Variants in CRKL observed in about 807,000 individuals in gnomAD.
CRKL encodes the protein CRK like proto-oncogene, adaptor protein.
Under a neutral mutation model 23.0 loss-of-function variants are expected in CRKL, and 3 were observed. The ratio of observed to expected loss-of-function variants is 0.13; its 90% CI spans 0.06 to 0.34. The LOEUF (loss-of-function observed/expected upper bound fraction) is 0.34, where lower values mean the gene tolerates loss of function less well. CRKL is among the 10% of genes least tolerant of loss of function. The pLI is 1.00. For missense variants in CRKL, 256 were observed against 394.5 expected (o/e 0.65, Z 2.97); for synonymous variants, 188 against 160.7 (o/e 1.17, Z -1.28).
At position 20,933,866 on chromosome 22, in the gene CRKL, T is replaced by G. The variant is rs2147904747; in HGVS notation, c.399T>G (p.Asp133Glu). 1.9e-6 allele frequency: 3 copies of G among 1,614,058 alleles called. No individual in the cohort carries two copies. Among genetic ancestry groups the G allele is most frequent in the Non-Finnish European group, 2.5e-6 (3 of 1,180,024 alleles). Residue 133 changes from aspartate to glutamate, a missense_variant, in exon 2 of 3, where the codon GAT (aspartate) becomes GAG (glutamate). This residue lies in a region of CRKL where 129 missense variants were observed against 222.1 expected (regional missense o/e 0.58). Coordinates refer to ENST00000354336, the MANE Select transcript of CRKL (RefSeq NM_005207.4). ...TGGAATATGTACGGACTCTGTATGA[T>G]TTTCCTGGGAATGATGCCGAAGACC... ...DNLEYVRTLYDFPGNDAEDLP... is the reference protein window; with the variant it reads ...DNLEYVRTLYEFPGNDAEDLP...
rs561872564 is a variant in CRKL at position 20,925,017 on chromosome 22, G to A, written c.311+6772G>A. Reference sequence around the variant, plus strand: ...ATCCTGGCCAACATAGTGAAACCCCGTCTCTACTAAAAATACAAAAACTAG... The same window carrying A: ...ATCCTGGCCAACATAGTGAAACCCCATCTCTACTAAAAATACAAAAACTAG... On this transcript the variant is annotated intron_variant, in intron 1 of 2. Transcript: ENST00000354336. Among the ~76,000 whole-genome samples, 4 of 151,948 alleles carry A rather than the reference G, an allele frequency of 2.6e-5. No homozygotes were observed. In the South Asian group the frequency reaches 6.2e-4, roughly 24 times the overall value.
chr22:20,946,723 CA>C (rs771877816), intron 2 of CRKL, among the ~76,000 whole-genome samples: 7 of 87,478 alleles, frequency 8.0e-5, no homozygotes, highest in Middle Eastern at 4.5e-3. Context: ...CCCCTCCCTC[CA>C]AAAAAAAAAA....
chr22:20,933,694 G>T (rs2147904311), intron 1 of CRKL, 85 bp from the exon 2 acceptor site: 1 of 1,092,380 alleles, frequency 9.2e-7, no homozygotes, highest in East Asian at 2.4e-5. Flanking sequence ...ATTTATTATA[G>T]AGGAGAGTGG....
chr22:20,939,710 T>C (rs978206505), intron 2 of CRKL, among the ~76,000 whole-genome samples: 9 of 151,990 alleles, frequency 5.9e-5, no homozygotes, highest in Admixed American at 1.3e-4. Flanking sequence ...CCCATAGTTG[T>C]CCCTCTTGAG....
intron 2 of CRKL, 39 bp downstream of exon 2, chr22:20,934,283 A>G (rs2147906293): frequency 6.5e-7 from 1 of 1,534,306 alleles, no homozygotes; most frequent in African/African-American, 1.4e-5. Context: ...GTCCTTTGAC[A>G]TTTGGTTTTA....
At chr22:20,948,370 G>A (rs748439344) in intron 2 of CRKL, among the ~76,000 whole-genome samples, 2 of 152,096 alleles carry the variant, frequency 1.3e-5, no homozygotes, top group Non-Finnish European at 2.9e-5. Context: ...GATATATACA[G>A]TGTTGTGCTT....
intron 2 of CRKL, among the ~76,000 whole-genome samples, chr22:20,940,383 G>A (rs917744780): frequency 1.3e-5 from 2 of 152,038 alleles, no homozygotes; most frequent in Non-Finnish European, 2.9e-5. Flanking sequence ...CAAGCTCACT[G>A]TTTTACATTT....
intron 1 of CRKL, among the ~76,000 whole-genome samples, chr22:20,922,077 A>G (rs931024481): frequency 5.8e-5 from 8 of 138,968 alleles, no homozygotes; most frequent in East Asian, 2.1e-4. Context: ...CAGTGGCCCA[A>G]TCTCGGCTCA....
intron 1 of CRKL, among the ~76,000 whole-genome samples, chr22:20,933,438 G>A (rs1279993255): frequency 6.6e-6 from 1 of 151,948 alleles, no homozygotes; most frequent in African/African-American, 2.4e-5. Flanking sequence ...AGGCCGAGGT[G>A]CGTGGATCGC....
In CRKL at chr22:20,918,069, T is replaced by C. The variant is rs970370147; in HGVS notation, c.135T>C (p.Pro45=). 1 of 1,614,094 alleles carries C rather than the reference T, an allele frequency of 6.2e-7. No individual in the cohort carries two copies. The highest frequency in any genetic ancestry group is 1.3e-5 in the African/African-American group (1 of 74,932). ...MFLVRDSSTC[P]GDYVLSVSEN... ...TCGTCCGCGATTCTTCCACCTGCCCTGGGGACTATGTGCTGTCGGTGTCCG... is the reference window on the plus strand; with the variant it reads ...TCGTCCGCGATTCTTCCACCTGCCCCGGGGACTATGTGCTGTCGGTGTCCG... Residue 45 remains proline, a synonymous_variant, in exon 1 of 3, where the codon CCT becomes CCC. Transcript: ENST00000354336.
At chr22:20,928,898 G>A (rs901396453) in intron 1 of CRKL, among the ~76,000 whole-genome samples, 1 of 151,236 alleles carries the variant, frequency 6.6e-6, no homozygotes, top group Non-Finnish European at 1.5e-5. Context: ...TTGGTTCTTA[G>A]CATGCATAAG....
At chr22:20,940,852 T>C (rs1333589204) in intron 2 of CRKL, among the ~76,000 whole-genome samples, 1 of 152,164 alleles carries the variant, frequency 6.6e-6, no homozygotes, top group Non-Finnish European at 1.5e-5. Context: ...ACTTTACCAA[T>C]TGGTTTTGCT....
intron 1 of CRKL, among the ~76,000 whole-genome samples, chr22:20,918,719 G>A (rs1265131191): frequency 6.6e-6 from 1 of 151,796 alleles, no homozygotes; most frequent in Non-Finnish European, 1.5e-5. Flanking sequence ...AGCCTCCCGA[G>A]TAGCTGGGAC....
intron 1 of CRKL, among the ~76,000 whole-genome samples, chr22:20,919,945 A>G (rs751023223): frequency 1.3e-5 from 2 of 152,222 alleles, no homozygotes; most frequent in Non-Finnish European, 2.9e-5. Flanking sequence ...ACTGTATAAC[A>G]AAGACCAGGA....
intron 1 of CRKL, among the ~76,000 whole-genome samples, chr22:20,923,576 A>ATT (rs34489759): frequency 7.7e-4 from 92 of 119,860 alleles, no homozygotes; most frequent in East Asian, 1.3e-3. Context: ...CGCGCCTGGC[A>ATT]TTTTTTTTTT....
Position 20,943,719 on chromosome 22 carries a change from G to A in CRKL, c.778-5992G>A, listed in dbSNP as rs180741769. 1.4e-3 allele frequency among the ~76,000 whole-genome samples: 211 copies of A among 152,336 alleles called. 1 individual carries two copies. The highest frequency in any genetic ancestry group is 3.5e-3 in the East Asian group (18 of 5,188). ...CAAAAATCAGTTGGCCAAGCTGGGT[G>A]TGGTGGTGCACACCTGTAATCCCAG... On this transcript the variant is annotated intron_variant, in intron 2 of 2. Coordinates refer to ENST00000354336, the MANE Select transcript of CRKL (RefSeq NM_005207.4).
At chr22:20,928,443 C>T (rs1281513934) in intron 1 of CRKL, among the ~76,000 whole-genome samples, 1 of 151,642 alleles carries the variant, frequency 6.6e-6, no homozygotes, top group Non-Finnish European at 1.5e-5. Flanking sequence ...GGCCATAGAG[C>T]AAGACGCTAT....
intron 2 of CRKL, among the ~76,000 whole-genome samples, chr22:20,939,079 A>G (rs973156014): frequency 6.6e-6 from 1 of 152,166 alleles, no homozygotes; most frequent in Admixed American, 6.6e-5. Context: ...GTCTAACTCC[A>G]TGGCCCTCCA....
At position 20,943,584 on chromosome 22, in the gene CRKL, T is replaced by C. The variant is rs551768642; in HGVS notation, c.778-6127T>C. 4.9e-4 allele frequency among the ~76,000 whole-genome samples: 75 copies of C among 152,304 alleles called. No homozygotes were observed. The East Asian group carries it at 0.013, about 27-fold the overall frequency. ...TGTTGATCCATTTTAAATGACTTTT[T>C]GTGTATAGTGTGAGGTAAGGTTTCA... On this transcript the variant is annotated intron_variant, in intron 2 of 2. Transcript: ENST00000354336.
Sources: allele counts gnomAD v4.1 joint callset (sites outside exome capture counted in the v4.1 genomes callset), GRCh38; gene constraint gnomAD v4.1.1; regional missense constraint gnomAD v4.1.1; transcripts MANE v1.5; gene names NCBI Gene and HGNC (gene_info 2026-07-23, HGNC 2026-07-21).